AQR: variants seen among roughly 807,000 people sequenced by gnomAD.
AQR encodes the protein RNA helicase aquarius.
In AQR, 61 loss-of-function variants were observed where a neutral mutation model predicts 180.5. That is an observed-to-expected ratio of 0.34 (90% CI 0.28 to 0.42). The LOEUF is 0.42. AQR is among the 10% of genes least tolerant of loss of function. The pLI, the probability that AQR is intolerant of heterozygous loss-of-function variation, is 1.00. For missense variants in AQR, 1,281 were observed against 1,798.3 expected (o/e 0.71, Z 5.20); for synonymous variants, 551 against 588.8 (o/e 0.94, Z 0.93).
At position 34,854,159 on chromosome 15, in the gene AQR, A is replaced by AGT. The variant is rs1892554742; in HGVS notation, c.*2632_*2633insAC. ...ACTTTCTTAACTCAGAATTTTGAAA[A>AGT]AAAAAAAAAAAAAAGAAGAAGAAAT... On this transcript the variant is annotated 3_prime_UTR_variant, in exon 35 of 35. Transcript: ENST00000156471. 1 of 149,880 alleles carries AGT rather than the reference A, an allele frequency of 6.7e-6. No individual in the cohort carries two copies. Among genetic ancestry groups the AGT allele is most frequent in the Non-Finnish European group, 1.5e-5 (1 of 67,248 alleles). 9.3% of individuals were successfully genotyped at this position (149,880 alleles called of 1,614,324 possible). A position where few individuals can be genotyped will look rare whatever the true frequency, so the allele number is the denominator to read the frequency against.
At chr15:34,863,738 A>G (rs1353359536) in intron 32 of AQR, among the ~76,000 whole-genome samples, 3 of 152,124 alleles carry the variant, frequency 2.0e-5, no homozygotes, top group African/African-American at 7.2e-5. Flanking sequence ...GAATGATGTC[A>G]TTTTTCTTTA....
At chr15:34,947,999 A>G (rs1894155743) in intron 5 of AQR, 2 of 321,952 alleles carry the variant, frequency 6.2e-6, no homozygotes, top group Non-Finnish European at 1.1e-5. Flanking sequence ...GTTATAACAT[A>G]TACCATTCTT....
At chr15:34,888,049 G>A (rs1351689418) in intron 24 of AQR, among the ~76,000 whole-genome samples, 1 of 152,170 alleles carries the variant, frequency 6.6e-6, no homozygotes, top group African/African-American at 2.4e-5. Flanking sequence ...TGTAATCCCA[G>A]CACTTTGGGA....
In AQR at chr15:34,940,969, G is replaced by A. The variant is rs368483413; in HGVS notation, c.571C>T (p.Pro191Ser). ...AAGTTCCAGAATTTTCTTAGCTTAG[G>A]TGTCTTTTTTAATTCTAATTCCAAT... ...ARLELELKKT[P>S]KLRKFWNLIK... The change falls in exon 8 of 35, where the codon CCT becomes TCT. Residue 191 changes from proline (P) to serine (S), a missense_variant. Pro to Ser is a moderately conservative substitution (Grantham distance 74). Around this residue, in one of 9 missense-constraint regions of AQR, gnomAD observed 404 missense variants for 490.9 expected, o/e 0.82. Coordinates refer to ENST00000156471, the MANE Select transcript of AQR (RefSeq NM_014691.3). The A allele has an allele frequency of 1.2e-6, 2 of 1,609,336 alleles. No homozygotes were observed. The highest frequency in any genetic ancestry group is 1.7e-6 in the Non-Finnish European group (2 of 1,178,032).
chr15:34,910,341 C>A (rs1421108321), intron 16 of AQR, 28 bp from the exon 17 acceptor site: 2 of 1,599,756 alleles, frequency 1.3e-6, no homozygotes, highest in South Asian at 1.1e-5. Flanking sequence ...GATGATTACT[C>A]AAACAAAAAA....
At chr15:34,911,361 C>A (rs2140481388) in intron 16 of AQR, among the ~76,000 whole-genome samples, 1 of 152,228 alleles carries the variant, frequency 6.6e-6, no homozygotes. Flanking sequence ...TTTTGAGGAA[C>A]CTCCATACTG....
chr15:34,969,641 G>T lies in AQR; in HGVS notation c.-28C>A. The T allele has an allele frequency of 6.2e-7, 1 of 1,609,696 alleles. No individual in the cohort carries two copies. The highest frequency in any genetic ancestry group is 8.5e-7 in the Non-Finnish European group (1 of 1,179,078). On this transcript the variant is annotated 5_prime_UTR_variant, in exon 1 of 35. Coordinates refer to ENST00000156471, the MANE Select transcript of AQR (RefSeq NM_014691.3). ...CAGCACTCTTCCCTCCACTCCAGTGGAAACTAAAGGACCGCTCTGGGCAGC... is the reference window on the plus strand; with the variant it reads ...CAGCACTCTTCCCTCCACTCCAGTGTAAACTAAAGGACCGCTCTGGGCAGC...
chr15:34,925,995 G>A (rs187707592), intron 13 of AQR, among the ~76,000 whole-genome samples: 2,032 of 151,520 alleles, frequency 0.013, 53 homozygotes, highest in African/African-American at 0.047. Context: ...GTGAAACCCC[G>A]TCTCTACTAA....
intron 4 of AQR, among the ~76,000 whole-genome samples, chr15:34,949,644 C>T (rs1315053552): frequency 1.4e-5 from 2 of 146,608 alleles, no homozygotes; most frequent in African/African-American, 5.1e-5. Flanking sequence ...CCCAAAAATA[C>T]CTGACAAACA....
Position 34,934,619 on chromosome 15 carries a change from G to A in AQR, c.735C>T (p.Asp245=), listed in dbSNP as rs139219990. Residue 245 remains aspartate (D), a synonymous_variant, in exon 10 of 35, where the codon GAC becomes GAT. Transcript: ENST00000156471. The part of the protein sequence containing the change: ...SVPLSEPVTM[D]KVHYCERFIE... ...TGAATCTTTCACAGTAATGAACTTTGTCCATAGTGACAGGTTCTAGACATA... is the reference window on the plus strand; with the variant it reads ...TGAATCTTTCACAGTAATGAACTTTATCCATAGTGACAGGTTCTAGACATA... 5.3e-4 allele frequency: 845 copies of A among 1,582,916 alleles called. 4 individuals are homozygous for A. The African/African-American group carries it at 0.01, about 19-fold the overall frequency.
intron 32 of AQR, 90 bp from the exon 33 acceptor site, chr15:34,863,131 C>T: frequency 2.6e-6 from 3 of 1,171,682 alleles, no homozygotes; most frequent in Non-Finnish European, 3.5e-6. Context: ...ATTAGATAGT[C>T]CTGTTAAGCC....
intron 12 of AQR, 83 bp from the exon 13 acceptor site, chr15:34,927,221 TA>T: frequency 2.5e-6 from 2 of 785,648 alleles, no homozygotes; most frequent in Non-Finnish European, 3.7e-6. Context: ...GAAAATATTT[TA>T]TAAAAATATT....
At chr15:34,925,489 C>T (rs774665999) in intron 13 of AQR, among the ~76,000 whole-genome samples, 3 of 152,132 alleles carry the variant, frequency 2.0e-5, no homozygotes, top group Non-Finnish European at 4.4e-5. Context: ...GGAATCAGTA[C>T]GAAAAGGATG....
intron 5 of AQR, among the ~76,000 whole-genome samples, chr15:34,945,192 G>A (rs570455966): frequency 6.6e-6 from 1 of 152,082 alleles, no homozygotes; most frequent in Admixed American, 6.5e-5. Flanking sequence ...TTTCTCTTCT[G>A]AGCTCTCAAA....
At position 34,854,316 on chromosome 15, in the gene AQR, C is replaced by A. The variant is rs981361936; in HGVS notation, c.*2476G>T. 1 of 152,156 alleles carries A rather than the reference C, an allele frequency of 6.6e-6. No homozygotes were observed. Among genetic ancestry groups the A allele is most frequent in the African/African-American group, 2.4e-5 (1 of 41,438 alleles). 9.4% of individuals were successfully genotyped at this position (152,156 alleles called of 1,614,324 possible). On this transcript the variant is annotated 3_prime_UTR_variant, in exon 35 of 35. Transcript: ENST00000156471. ...AATAGGATGGAGAGCAATGGGAACACTAATCTGAAATAGTCACATGGCTAG... is the reference window on the plus strand; with the variant it reads ...AATAGGATGGAGAGCAATGGGAACAATAATCTGAAATAGTCACATGGCTAG...
intron 29 of AQR, 75 bp from the exon 30 acceptor site, chr15:34,874,074 T>A: frequency 1.5e-6 from 2 of 1,311,008 alleles, no homozygotes; most frequent in Non-Finnish European, 2.0e-6. Flanking sequence ...CATAAGGAGG[T>A]TTCTGTTTCT....
intron 3 of AQR, among the ~76,000 whole-genome samples, chr15:34,959,532 T>C (rs750077213): frequency 1.3e-4 from 20 of 152,120 alleles, no homozygotes; most frequent in African/African-American, 4.8e-5. Flanking sequence ...TCCATCTTCA[T>C]AGCTCTTAAG....
intron 4 of AQR, among the ~76,000 whole-genome samples, chr15:34,950,238 T>G (rs1241245745): frequency 1.3e-5 from 2 of 151,800 alleles, no homozygotes; most frequent in African/African-American, 4.8e-5. Context: ...TACAGGCATG[T>G]GCCACCACAC....
At chr15:34,928,950 T>C (rs1341624995) in intron 12 of AQR, among the ~76,000 whole-genome samples, 2 of 152,232 alleles carry the variant, frequency 1.3e-5, no homozygotes, top group South Asian at 2.1e-4. Flanking sequence ...ATGAGTGATG[T>C]TGAGTTTTTC....
Sources: allele counts gnomAD v4.1 joint callset (sites outside exome capture counted in the v4.1 genomes callset), GRCh38; gene constraint gnomAD v4.1.1; regional missense constraint gnomAD v4.1.1; transcripts MANE v1.5; gene names NCBI Gene and HGNC (gene_info 2026-07-23, HGNC 2026-07-21).